Variants in ADAM22 observed in about 807,000 individuals in gnomAD.
ADAM22 encodes the protein disintegrin and metalloproteinase domain-containing protein 22.
Under a neutral mutation model 144.6 loss-of-function variants are expected in ADAM22, and 65 were observed. That is an observed-to-expected ratio of 0.45 (90% CI 0.37 to 0.55). The LOEUF (loss-of-function observed/expected upper bound fraction) is 0.55, where lower values mean the gene tolerates loss of function less well. Ranked by LOEUF, ADAM22 falls within the 20% of genes least tolerant of loss-of-function variation. The pLI, the probability that ADAM22 is intolerant of heterozygous loss-of-function variation, is 0.00. For missense variants in ADAM22, 974 were observed against 1,184.9 expected (o/e 0.82, Z 2.61); for synonymous variants, 391 against 412.6 (o/e 0.95, Z 0.63).
At chr7:88,083,585 G>A (rs79058123) in intron 4 of ADAM22, among the ~76,000 whole-genome samples, 2 of 105,634 alleles carry the variant, frequency 1.9e-5, no homozygotes, top group Non-Finnish European at 3.9e-5. Flanking sequence ...TTTACTTTGT[G>A]TTTGTGTGTG....
intron 3 of ADAM22, among the ~76,000 whole-genome samples, chr7:88,063,797 C>A (rs1325199198): frequency 6.6e-6 from 1 of 152,192 alleles, no homozygotes; most frequent in Non-Finnish European, 1.5e-5. Context: ...TACTAGGAGA[C>A]AATGGAGCAA....
intron 4 of ADAM22, among the ~76,000 whole-genome samples, chr7:88,102,633 A>C (rs535646541): frequency 6.6e-6 from 1 of 152,346 alleles, no homozygotes; most frequent in Admixed American, 6.5e-5. Flanking sequence ...ATTTGTTACA[A>C]TGCAGATTCT....
intron 19 of ADAM22, 92 bp from the exon 20 acceptor site, chr7:88,151,165 A>G (rs1455682629): frequency 1.6e-5 from 25 of 1,545,444 alleles, no homozygotes; most frequent in Non-Finnish European, 2.2e-5. Context: ...TCTACTATTC[A>G]TCTATTATTT....
intron 2 of ADAM22, among the ~76,000 whole-genome samples, chr7:87,955,882 T>C (rs1311034827): frequency 6.6e-6 from 1 of 152,220 alleles, no homozygotes; most frequent in Non-Finnish European, 1.5e-5. Context: ...GATCTCAGAC[T>C]GCTGTGCTAG....
At chr7:88,057,195 A>G (rs1173083639) in intron 3 of ADAM22, among the ~76,000 whole-genome samples, 1 of 152,030 alleles carries the variant, frequency 6.6e-6, no homozygotes, top group Non-Finnish European at 1.5e-5. Flanking sequence ...CCTGGGCTCA[A>G]GCAATCCTCC....
Position 88,153,278 on chromosome 7 carries a change from A to C in ADAM22, c.1739A>C (p.Lys580Thr), listed in dbSNP as rs1838988867. The change falls in exon 21 of 32, where the codon AAG (lysine) becomes ACG (threonine). Residue 580 changes from lysine to threonine, a missense_variant. Lys to Thr is a moderately conservative substitution (Grantham distance 78). Transcript: ENST00000413139. ...AAACTGAATATTGAAGGGACGGAGAAGGGTAACTGTGGGAAAGACAAAGAC... is the reference window on the plus strand; with the variant it reads ...AAACTGAATATTGAAGGGACGGAGACGGGTAACTGTGGGAAAGACAAAGAC... ...YEKLNIEGTE[K>T]GNCGKDKDTW... 5 of 1,613,446 alleles carry C rather than the reference A, an allele frequency of 3.1e-6. No individual in the cohort carries two copies. The highest frequency in any genetic ancestry group is 4.2e-6 in the Non-Finnish European group (5 of 1,179,684).
At chr7:87,978,458 C>T in intron 3 of ADAM22, 46 bp downstream of exon 3, 1 of 1,535,968 alleles carries the variant, frequency 6.5e-7, no homozygotes, top group Non-Finnish European at 8.9e-7. Flanking sequence ...ACATTGAATC[C>T]ACTTTATTTT....
intron 11 of ADAM22, 39 bp downstream of exon 11, chr7:88,131,474 T>C: frequency 6.3e-7 from 1 of 1,595,446 alleles, no homozygotes; most frequent in Non-Finnish European, 8.6e-7. Flanking sequence ...TTTTTTTGAT[T>C]CCATGTTAAA....
chr7:88,124,490 C>T (rs1430330334), intron 7 of ADAM22, among the ~76,000 whole-genome samples: 4 of 151,022 alleles, frequency 2.6e-5, no homozygotes, highest in African/African-American at 9.7e-5. Context: ...ATTTAAAGTG[C>T]CCCTCTTCTA....
At chr7:88,168,313 CATTGGTT>C in intron 25 of ADAM22, 86 bp downstream of exon 25, 1 of 1,337,742 alleles carries the variant, frequency 7.5e-7, no homozygotes, top group Non-Finnish European at 1.1e-6. Flanking sequence ...AGTTTTGTAT[CATTGGTT>C]GAATATACTT....
At chr7:88,163,516 A>G (rs1251040543) in intron 23 of ADAM22, among the ~76,000 whole-genome samples, 2 of 152,014 alleles carry the variant, frequency 1.3e-5, no homozygotes, top group Non-Finnish European at 2.9e-5. Context: ...AGAGAATAAA[A>G]ATTGGATGTG....
intron 4 of ADAM22, among the ~76,000 whole-genome samples, chr7:88,081,912 C>G (rs1276530590): frequency 2.6e-5 from 4 of 151,206 alleles, no homozygotes; most frequent in African/African-American, 9.7e-5. Flanking sequence ...GCCATACTGC[C>G]CAAGGTAATT....
At chr7:87,987,795 T>G (rs1040243416) in intron 3 of ADAM22, among the ~76,000 whole-genome samples, 1 of 152,228 alleles carries the variant, frequency 6.6e-6, no homozygotes, top group Non-Finnish European at 1.5e-5. Flanking sequence ...ACTTTGTCTC[T>G]GAAATATTTA....
At chr7:88,103,435 T>A (rs942924671) in intron 4 of ADAM22, among the ~76,000 whole-genome samples, 1 of 152,154 alleles carries the variant, frequency 6.6e-6, no homozygotes, top group Admixed American at 6.6e-5. Context: ...AATAAAAAAT[T>A]ACAATAAATT....
At chr7:88,153,818 A>C (rs1839146398) in intron 21 of ADAM22, among the ~76,000 whole-genome samples, 1 of 152,160 alleles carries the variant, frequency 6.6e-6, no homozygotes, top group South Asian at 2.1e-4. Context: ...TCATGTATTC[A>C]CTTACGTTCC....
intron 7 of ADAM22, among the ~76,000 whole-genome samples, chr7:88,122,678 A>T (rs1829584972): frequency 6.6e-6 from 1 of 152,200 alleles, no homozygotes; most frequent in African/African-American, 2.4e-5. Flanking sequence ...GAGACAAGTT[A>T]TCTGCCCTAT....
chr7:88,040,167 T>C (rs912035514), intron 3 of ADAM22, among the ~76,000 whole-genome samples: 1 of 151,996 alleles, frequency 6.6e-6, no homozygotes, highest in African/African-American at 2.4e-5. Context: ...AGTCTTGCTC[T>C]GTCACCCAGG....
At chr7:87,934,918 G>C in intron 1 of ADAM22, 108 bp from the exon 2 acceptor site, 3 of 1,488,946 alleles carry the variant, frequency 2.0e-6, no homozygotes, top group Non-Finnish European at 2.8e-6. Flanking sequence ...GGGGGCGGTG[G>C]GGATTTTCGT....
At chr7:88,059,219 C>G (rs541487037) in intron 3 of ADAM22, among the ~76,000 whole-genome samples, 15 of 152,228 alleles carry the variant, frequency 9.9e-5, no homozygotes, top group African/African-American at 3.6e-4. Context: ...ATTTCTGCCT[C>G]CCTCTAGAGA....
Sources: gnomAD v4.1 joint callset for allele counts (sites outside exome capture counted in the v4.1 genomes callset) on GRCh38, gnomAD v4.1.1 for gene constraint, MANE v1.5 for transcripts, NCBI Gene and HGNC (gene_info 2026-07-23, HGNC 2026-07-21) for gene names.